LRP1B: variants seen among roughly 807,000 people sequenced by gnomAD.
The protein encoded by LRP1B is low-density lipoprotein receptor-related protein 1B.
A neutral mutation model predicts 556.6 loss-of-function variants in LRP1B; 217 were observed. The ratio of observed to expected loss-of-function variants is 0.39; its 90% CI spans 0.35 to 0.44. LRP1B has a LOEUF of 0.44. Among genes scored for constraint, LRP1B ranks in the 20% least tolerant of loss-of-function variants. LRP1B has a pLI of 1.00. For missense variants in LRP1B, 5,053 were observed against 5,620.8 expected, an observed-to-expected ratio of 0.90 and a Z score of 3.23; for synonymous variants, 2,047 against 1,865.8, an observed-to-expected ratio of 1.10 and a Z score of -2.50.
intron 41 of LRP1B, among the ~76,000 whole-genome samples, chr2:140,689,296 G>A (rs1686156385): frequency 6.6e-6 from 1 of 152,174 alleles, no homozygotes; most frequent in Non-Finnish European, 1.5e-5. Flanking sequence ...ACTGCTGAGT[G>A]TTCAAACTGT....
At position 141,891,203 on chromosome 2, in the gene LRP1B, G is replaced by T. The variant is rs141747945; in HGVS notation, c.83-80802C>A. 3.1e-3 allele frequency among the ~76,000 whole-genome samples: 474 copies of T among 152,176 alleles called. 2 individuals are homozygous for T. The highest frequency in any genetic ancestry group is 0.011 in the African/African-American group (452 of 41,534). On this transcript the variant is annotated intron_variant, in intron 1 of 90. Coordinates refer to ENST00000389484, the MANE Select transcript of LRP1B (RefSeq NM_018557.3). The stretch of plus-strand genomic sequence containing the variant: ...ATAGAAGGCATAACCATCAAGAAGT[G>T]TTGGGTGGAGATGCATTGGAAAAAG...
At chr2:141,473,232 T>A (rs1322060441) in intron 3 of LRP1B, among the ~76,000 whole-genome samples, 1 of 152,148 alleles carries the variant, frequency 6.6e-6, no homozygotes, top group Non-Finnish European at 1.5e-5. Flanking sequence ...TGAACATACA[T>A]ACATACATAT....
At chr2:141,174,145 C>A (rs1051316300) in intron 7 of LRP1B, among the ~76,000 whole-genome samples, 2 of 151,912 alleles carry the variant, frequency 1.3e-5, no homozygotes, top group African/African-American at 4.8e-5. Context: ...ATCTGGAAAA[C>A]AAGATATTCT....
intron 6 of LRP1B, among the ~76,000 whole-genome samples, chr2:141,199,521 TC>T (rs1475186902): frequency 6.6e-6 from 1 of 152,118 alleles, no homozygotes; most frequent in African/African-American, 2.4e-5. Flanking sequence ...GCTCCTAAAC[TC>T]CCTGTTCTAA....
chr2:140,332,304 AT>A (rs35501714), intron 79 of LRP1B, among the ~76,000 whole-genome samples: 14,113 of 151,158 alleles, frequency 0.093, 772 homozygotes, highest in African/African-American at 0.14. Flanking sequence ...CATATGCCTC[AT>A]TTTTTTTTCT....
intron 21 of LRP1B, among the ~76,000 whole-genome samples, chr2:140,910,159 GAAGT>G (rs1418241158): frequency 2.0e-5 from 3 of 149,582 alleles, no homozygotes; most frequent in African/African-American, 7.3e-5. Context: ...CAACTATTTA[GAAGT>G]AATTTAATGT....
intron 1 of LRP1B, among the ~76,000 whole-genome samples, chr2:141,819,553 T>C (rs953995067): frequency 6.6e-6 from 1 of 152,170 alleles, no homozygotes; most frequent in African/African-American, 2.4e-5. Flanking sequence ...AAGTTTATCT[T>C]ATAGAAGTAA....
At chr2:140,483,664 A>G (rs1405068302) in intron 59 of LRP1B, among the ~76,000 whole-genome samples, 1 of 104,506 alleles carries the variant, frequency 9.6e-6, no homozygotes, top group East Asian at 2.4e-4. Context: ...TTTTTGAGAC[A>G]CTGTCTGGCT....
chr2:140,396,836 G>A (rs1684278301), intron 66 of LRP1B, among the ~76,000 whole-genome samples: 2 of 152,132 alleles, frequency 1.3e-5, no homozygotes, highest in East Asian at 1.9e-4. Flanking sequence ...GTTTGGTTAC[G>A]AGTTAAGTGA....
chr2:141,816,014 A>T (rs1299124832), intron 1 of LRP1B, among the ~76,000 whole-genome samples: 1 of 152,238 alleles, frequency 6.6e-6, no homozygotes, highest in East Asian at 1.9e-4. Context: ...TCTAATAGCA[A>T]TGAGGATCCA....
In LRP1B at chr2:141,304,474, CAT is replaced by C. The variant is rs1491120672; in HGVS notation, c.344-49835_344-49834del. Among the ~76,000 whole-genome samples the C allele has an allele frequency of 1.4e-3, 146 of 105,838 alleles. 2 individuals are homozygous for C. The highest frequency in any genetic ancestry group is 4.0e-3 in the African/African-American group (121 of 30,290). 69.4% of individuals were successfully genotyped at this position (105,838 alleles called of 152,430 possible). On this transcript the variant is annotated intron_variant, in intron 3 of 90. Coordinates refer to ENST00000389484, the MANE Select transcript of LRP1B (RefSeq NM_018557.3). ...GAGAAAGTAGGAGTCCAGTTTCATT[CAT>C]TTTTTTTTTTTTTTTTTTTTTGAGA...
In LRP1B at chr2:140,261,606, C is replaced by T. The variant is rs572010208; in HGVS notation, c.13247+8636G>A. ...ATTATTAACACCGTTGAATAACCAA[C>T]GGTGTTGGTTAAAGTAGAGAAAATT... On this transcript the variant is annotated intron_variant, in intron 86 of 90. Coordinates refer to ENST00000389484, the MANE Select transcript of LRP1B (RefSeq NM_018557.3). Among the ~76,000 whole-genome samples, 13 of 151,674 alleles carry T rather than the reference C, an allele frequency of 8.6e-5. 1 individual carries two copies. Among genetic ancestry groups the T allele is most frequent in the South Asian group, 4.1e-4 (2 of 4,820 alleles).
At chr2:140,721,154 C>T (rs1266946484) in intron 35 of LRP1B, among the ~76,000 whole-genome samples, 7 of 151,960 alleles carry the variant, frequency 4.6e-5, no homozygotes, top group African/African-American at 9.7e-5. Context: ...TTTTATTTTT[C>T]GCTTGCACAT....
At chr2:141,203,589 G>A (rs1425853582) in intron 6 of LRP1B, among the ~76,000 whole-genome samples, 1 of 149,018 alleles carries the variant, frequency 6.7e-6, no homozygotes, top group Non-Finnish European at 1.5e-5. Flanking sequence ...AATGGGGGGG[G>A]AGGACTTTAA....
chr2:140,548,245 G>C (rs1327943179), intron 43 of LRP1B, among the ~76,000 whole-genome samples: 1 of 152,098 alleles, frequency 6.6e-6, no homozygotes, highest in Admixed American at 6.6e-5. Flanking sequence ...GTAGGATCTG[G>C]AACTTGATAT....
At chr2:140,662,050 G>A (rs1400817501) in intron 41 of LRP1B, among the ~76,000 whole-genome samples, 1 of 151,892 alleles carries the variant, frequency 6.6e-6, no homozygotes. Flanking sequence ...CAAGAATAAA[G>A]TAGCCATATG....
At chr2:141,744,754 T>C (rs1170613611) in intron 2 of LRP1B, among the ~76,000 whole-genome samples, 4 of 152,208 alleles carry the variant, frequency 2.6e-5, no homozygotes, top group African/African-American at 9.6e-5. Context: ...TGCTTGTGCA[T>C]GTTCATTGTT....
intron 1 of LRP1B, among the ~76,000 whole-genome samples, chr2:142,010,398 C>CA (rs1179236424): frequency 5.3e-5 from 8 of 151,332 alleles, no homozygotes; most frequent in Admixed American, 2.0e-4. Flanking sequence ...ACTAAAAATA[C>CA]AAAAAATTAG....
intron 2 of LRP1B, among the ~76,000 whole-genome samples, chr2:141,627,369 T>C (rs1006920205): frequency 2.0e-5 from 3 of 152,306 alleles, no homozygotes; most frequent in South Asian, 4.1e-4. Context: ...GAAGATAATA[T>C]CATTTTACAT....
Sources: gnomAD v4.1 joint callset for allele counts (sites outside exome capture counted in the v4.1 genomes callset) on GRCh38, gnomAD v4.1.1 for gene constraint, MANE v1.5 for transcripts, NCBI Gene and HGNC (gene_info 2026-07-23, HGNC 2026-07-21) for gene names.